Variants in GPC3 observed in about 807,000 individuals in gnomAD.
GPC3 encodes the protein glypican 3, also known as glypican-3.
In GPC3, 3 loss-of-function variants were observed where a neutral mutation model predicts 34.4. The observed-to-expected ratio is 0.09, with a 90% CI of 0.04 to 0.23. GPC3 has a LOEUF of 0.23. Ranked by LOEUF, GPC3 falls within the 10% of genes least tolerant of loss-of-function variation. The probability of loss-of-function intolerance (pLI) is 1.00; values close to 1 mark genes in which losing one functional copy is unlikely to be tolerated. For missense variants in GPC3, 351 were observed against 445.6 expected (o/e 0.79, Z 1.91); for synonymous variants, 177 against 174.0 (o/e 1.02, Z -0.13).
chrX:133,614,211 G>A (rs962595632), intron 6 of GPC3, among the ~76,000 whole-genome samples: 2 of 111,444 alleles, frequency 1.8e-5, no homozygotes, highest in Non-Finnish European at 3.8e-5. Flanking sequence ...CATAATGGCT[G>A]AAAACTTCCT....
rs1273568096 is a variant in GPC3, at chrX:133,545,446, G to A, written c.1574-9153C>T. On this transcript the variant is annotated intron_variant, in intron 7 of 7. Transcript: ENST00000370818. ...GAGGCCAGGAGTTCAAGACTGTAGT[G>A]CACTATGATTACACCTATGAATAGC... 4.5e-5 allele frequency among the ~76,000 whole-genome samples: 5 copies of A among 111,201 alleles called. No individual in the cohort carries two copies. In the East Asian group the frequency reaches 1.4e-3, roughly 32 times the overall value.
At chrX:133,904,030 C>T (rs2076157489) in intron 2 of GPC3, among the ~76,000 whole-genome samples, 1 of 112,037 alleles carries the variant, frequency 8.9e-6, no homozygotes, top group Admixed American at 9.5e-5. Flanking sequence ...CGTGCCAGTA[C>T]CGAGGTACAG....
At chrX:133,903,346 G>A (rs1228940988) in intron 2 of GPC3, among the ~76,000 whole-genome samples, 1 of 111,372 alleles carries the variant, frequency 9.0e-6, no homozygotes, top group African/African-American at 3.3e-5. Flanking sequence ...AGCAATTTGG[G>A]AGGCCAAGGT....
At chrX:133,562,504 G>C (rs149971132) in intron 7 of GPC3, among the ~76,000 whole-genome samples, 11 of 110,641 alleles carry the variant, frequency 9.9e-5, no homozygotes, top group African/African-American at 3.6e-4. Flanking sequence ...AGTGGTGGGC[G>C]CCTGTAATCC....
intron 2 of GPC3, among the ~76,000 whole-genome samples, chrX:133,777,078 A>G (rs1034748947): frequency 1.3e-4 from 14 of 108,095 alleles, no homozygotes; most frequent in Admixed American, 1.0e-3. Flanking sequence ...ATGGGGTTTC[A>G]CTATGTTGGC....
chrX:133,898,256 C>A (rs2076127908), intron 2 of GPC3, among the ~76,000 whole-genome samples: 1 of 111,705 alleles, frequency 9.0e-6, no homozygotes, highest in African/African-American at 3.3e-5. Flanking sequence ...AAAATAAACT[C>A]TGTAAAATCT....
At chrX:133,769,233 A>T (rs1016362780) in intron 2 of GPC3, among the ~76,000 whole-genome samples, 4 of 111,949 alleles carry the variant, frequency 3.6e-5, no homozygotes, top group Non-Finnish European at 7.5e-5. Context: ...AGCCTGGGTG[A>T]GGGCAAAACA....
intron 1 of GPC3, among the ~76,000 whole-genome samples, 166 bp downstream of exon 1, chrX:133,985,109 T>C (rs1278488370): frequency 8.9e-6 from 1 of 111,744 alleles, no homozygotes; most frequent in Admixed American, 9.4e-5. Flanking sequence ...CCTCTCTCCC[T>C]CCCTCAGTAG....
At chrX:133,907,728 AC>A (rs2076175679) in intron 2 of GPC3, among the ~76,000 whole-genome samples, 1 of 111,175 alleles carries the variant, frequency 9.0e-6, no homozygotes, top group Admixed American at 9.6e-5. Flanking sequence ...TTCCTAAAAC[AC>A]CTCCGTTCAT....
chrX:133,886,345 AT>A (rs1317457467), intron 2 of GPC3, among the ~76,000 whole-genome samples: 1 of 105,515 alleles, frequency 9.5e-6, no homozygotes, highest in Admixed American at 1.0e-4. Flanking sequence ...TCCTGTCCCT[AT>A]TTTAAAAAAA....
In GPC3 at chrX:133,809,402, C is replaced by G. The variant is rs776590278; in HGVS notation, c.338-55226G>C. Among the ~76,000 whole-genome samples, 13 of 111,058 alleles carry G rather than the reference C, an allele frequency of 1.2e-4. No individual in the cohort carries two copies. In the East Asian group the frequency reaches 3.4e-3, roughly 29 times the overall value. ...AGGGTGATCAATTCACTATAAGGAC[C>G]CACTAGGAAGAAGAAAAGCAGGGAG... On this transcript the variant is annotated intron_variant, in intron 2 of 7. Coordinates refer to ENST00000370818, the MANE Select transcript of GPC3 (RefSeq NM_004484.4).
At chrX:133,937,526 C>T (rs2076328405) in intron 2 of GPC3, among the ~76,000 whole-genome samples, 1 of 110,493 alleles carries the variant, frequency 9.1e-6, no homozygotes, top group Non-Finnish European at 1.9e-5. Context: ...TTTGGTTTAT[C>T]ACCAGCATTG....
At chrX:133,750,397 G>A (rs1178746499) in intron 3 of GPC3, among the ~76,000 whole-genome samples, 1 of 112,098 alleles carries the variant, frequency 8.9e-6, no homozygotes, top group Non-Finnish European at 1.9e-5. Context: ...TGTAGCAGCA[G>A]AAGACCTTGG....
intron 2 of GPC3, among the ~76,000 whole-genome samples, chrX:133,811,399 C>G (rs995566969): frequency 9.0e-6 from 1 of 111,338 alleles, no homozygotes; most frequent in African/African-American, 3.3e-5. Flanking sequence ...AAGGACTGTC[C>G]CAACTGAAAT....
chrX:133,641,342 G>A (rs1401310197), intron 6 of GPC3, among the ~76,000 whole-genome samples: 6 of 109,629 alleles, frequency 5.5e-5, no homozygotes, highest in Non-Finnish European at 5.7e-5. Context: ...CAGGTGTGGT[G>A]ACGCGCGCCT....
At chrX:133,901,533 C>T (rs376286267) in intron 2 of GPC3, among the ~76,000 whole-genome samples, 3 of 111,221 alleles carry the variant, frequency 2.7e-5, no homozygotes, top group Admixed American at 9.6e-5. Flanking sequence ...CTCCACCTCC[C>T]GGGTTCAAGC....
chrX:133,586,119 C>T (rs1317606349), intron 7 of GPC3, among the ~76,000 whole-genome samples: 1 of 111,649 alleles, frequency 9.0e-6, no homozygotes, highest in African/African-American at 3.3e-5. Flanking sequence ...TAATAAGAAA[C>T]AAACTCCCTA....
At chrX:133,958,712 A>C (rs1269083054) in intron 1 of GPC3, among the ~76,000 whole-genome samples, 1 of 105,817 alleles carries the variant, frequency 9.5e-6, no homozygotes, top group Non-Finnish European at 1.9e-5. Flanking sequence ...CTCTACTGAA[A>C]AAAAAAAAAA....
At chrX:133,603,846 A>G (rs2070016007) in intron 6 of GPC3, among the ~76,000 whole-genome samples, 1 of 112,140 alleles carries the variant, frequency 8.9e-6, no homozygotes, top group African/African-American at 3.2e-5. Context: ...TGGGACAATG[A>G]GATTTGGCTG....
Sources: allele counts gnomAD v4.1 joint callset (sites outside exome capture counted in the v4.1 genomes callset), GRCh38; gene constraint gnomAD v4.1.1; transcripts MANE v1.5; gene names NCBI Gene and HGNC (gene_info 2026-07-23, HGNC 2026-07-21).